ZSWIM6: variants seen among roughly 807,000 people sequenced by gnomAD.
ZSWIM6 encodes the protein zinc finger SWIM domain-containing protein 6.
ZSWIM6 carries 9 observed loss-of-function variants against 113.2 expected under a neutral mutation model. The observed-to-expected ratio is 0.08, with a 90% CI of 0.05 to 0.14. The LOEUF is 0.14. Among genes scored for constraint, ZSWIM6 ranks in the 10% least tolerant of loss-of-function variants. ZSWIM6 has a pLI of 1.00. For synonymous variants in ZSWIM6, 611 were observed against 606.5 expected (o/e 1.01, Z -0.11); for missense variants, 1,162 against 1,552.2 (o/e 0.75, Z 4.22).
At chr5:61,424,693 T>C (rs1032064140) in intron 1 of ZSWIM6, among the ~76,000 whole-genome samples, 1 of 151,300 alleles carries the variant, frequency 6.6e-6, no homozygotes, top group African/African-American at 2.4e-5. Context: ...AGTTTAAGAG[T>C]GTGAGTTCTG....
At chr5:61,477,383 T>A (rs1747734204) in intron 2 of ZSWIM6, among the ~76,000 whole-genome samples, 1 of 152,174 alleles carries the variant, frequency 6.6e-6, no homozygotes, top group African/African-American at 2.4e-5. Flanking sequence ...TTTATTCACA[T>A]ATTGGATGAG....
chr5:61,375,267 G>GGAA, intron 1 of ZSWIM6: 2 of 1,612,582 alleles, frequency 1.2e-6, no homozygotes, highest in Non-Finnish European at 1.7e-6. Flanking sequence ...AAAAGGAAAA[G>GGAA]AAAGGCTCCA....
At chr5:61,345,919 G>A (rs1312202778) in intron 1 of ZSWIM6, among the ~76,000 whole-genome samples, 1 of 152,138 alleles carries the variant, frequency 6.6e-6, no homozygotes, top group Non-Finnish European at 1.5e-5. Flanking sequence ...TACAACAGAA[G>A]GCAGATGTTT....
chr5:61,398,736 A>C (rs1015426210), intron 1 of ZSWIM6, among the ~76,000 whole-genome samples: 5 of 152,290 alleles, frequency 3.3e-5, no homozygotes, highest in Non-Finnish European at 5.9e-5. Flanking sequence ...TTTTAGGATT[A>C]AAGTAAACAT....
intron 1 of ZSWIM6, among the ~76,000 whole-genome samples, chr5:61,418,781 C>T (rs1342115526): frequency 3.3e-5 from 5 of 152,146 alleles, no homozygotes; most frequent in Admixed American, 6.5e-5. Flanking sequence ...GTTTACTTTA[C>T]GAGACACCTT....
At position 61,375,638 on chromosome 5, in the gene ZSWIM6, G is replaced by T. The variant is rs568301309; in HGVS notation, c.676+42690G>T. On this transcript the variant is annotated intron_variant, in intron 1 of 13. Coordinates refer to ENST00000252744, the MANE Select transcript of ZSWIM6 (RefSeq NM_020928.2). ...ACTGAGAAAGAAAAGGATATTAAAG[G>T]ACTCAGCAAAAAGAGAAAGATGTAT... 1.9e-6 allele frequency: 3 copies of T among 1,539,580 alleles called. No homozygotes were observed. In the African/African-American group the frequency reaches 4.1e-5, roughly 21 times the overall value.
intron 1 of ZSWIM6, among the ~76,000 whole-genome samples, chr5:61,425,728 C>G (rs1004632827): frequency 1.3e-5 from 2 of 152,086 alleles, no homozygotes; most frequent in African/African-American, 4.8e-5. Flanking sequence ...AAAGAGAAGG[C>G]CATTGGTAAA....
intron 1 of ZSWIM6, among the ~76,000 whole-genome samples, chr5:61,362,725 C>T (rs780818136): frequency 8.5e-5 from 13 of 152,154 alleles, no homozygotes; most frequent in Non-Finnish European, 1.8e-4. Context: ...GCTTTCTGTG[C>T]CATCAAGTGA....
At chr5:61,518,534 G>A (rs1749024077) in intron 4 of ZSWIM6, among the ~76,000 whole-genome samples, 1 of 152,092 alleles carries the variant, frequency 6.6e-6, no homozygotes, top group South Asian at 2.1e-4. Flanking sequence ...TTTCTCTGAT[G>A]GCCAGTGATG....
intron 1 of ZSWIM6, among the ~76,000 whole-genome samples, chr5:61,449,817 A>T (rs1331905122): frequency 6.6e-6 from 1 of 152,158 alleles, no homozygotes; most frequent in African/African-American, 2.4e-5. Flanking sequence ...AGGAACAAGG[A>T]GAAGCAAATG....
At chr5:61,466,559 T>C (rs1329423854) in intron 1 of ZSWIM6, among the ~76,000 whole-genome samples, 1 of 152,244 alleles carries the variant, frequency 6.6e-6, no homozygotes, top group African/African-American at 2.4e-5. Context: ...GGGTGCCTTG[T>C]ACACAGGGCG....
At chr5:61,427,020 G>A (rs529938274) in intron 1 of ZSWIM6, among the ~76,000 whole-genome samples, 2 of 152,172 alleles carry the variant, frequency 1.3e-5, no homozygotes, top group South Asian at 4.1e-4. Context: ...GAACTAATAA[G>A]CAATCCATGG....
Position 61,519,662 on chromosome 5 carries a change from A to T in ZSWIM6, c.1334-1601A>T, listed in dbSNP as rs1048887468. ...GGCATTTTAAAATATAGAAATGCAG[A>T]TTGTAAATATCTGTGGCTTAGATGG... On this transcript the variant is annotated intron_variant, in intron 4 of 13. Transcript: ENST00000252744. Among the ~76,000 whole-genome samples the T allele has an allele frequency of 1.1e-4, 16 of 152,282 alleles. No homozygotes were observed. The East Asian group carries it at 2.1e-3, about 20-fold the overall frequency.
rs1313442020 is a variant in ZSWIM6, at chr5:61,530,115, A to G, written c.1901A>G (p.Asp634Gly). The change falls in exon 8 of 14, where the codon GAC becomes GGC. Residue 634 changes from aspartate (D) to glycine (G), a missense_variant. Coordinates refer to ENST00000252744, the MANE Select transcript of ZSWIM6 (RefSeq NM_020928.2). Reference sequence around the variant, plus strand: ...GAGGGCTGGGTTGGACATCCCCTGGACCCTGTGGGCACTCTCTTCAGTAGC... The same window carrying G: ...GAGGGCTGGGTTGGACATCCCCTGGGCCCTGTGGGCACTCTCTTCAGTAGC... ...NLEGWVGHPL[D>G]PVGTLFSSLM... 6.4e-7 allele frequency: 1 copy of G among 1,551,636 alleles called. No homozygotes were observed. Among genetic ancestry groups the G allele is most frequent in the Non-Finnish European group, 8.7e-7 (1 of 1,146,902 alleles).
At chr5:61,456,796 A>G (rs940020793) in intron 1 of ZSWIM6, among the ~76,000 whole-genome samples, 26 of 152,148 alleles carry the variant, frequency 1.7e-4, no homozygotes, top group African/African-American at 3.1e-4. Context: ...CATTTATTGT[A>G]TCTTTTCTTC....
intron 1 of ZSWIM6, among the ~76,000 whole-genome samples, chr5:61,358,794 C>T (rs180914752): frequency 9.8e-5 from 15 of 152,310 alleles, no homozygotes; most frequent in Admixed American, 1.3e-4. Flanking sequence ...CTGAGCCAGA[C>T]GCTATAGAGC....
intron 1 of ZSWIM6, among the ~76,000 whole-genome samples, chr5:61,370,692 G>C (rs1365110220): frequency 6.6e-6 from 1 of 152,210 alleles, no homozygotes; most frequent in East Asian, 1.9e-4. Context: ...TTCCAGAAGA[G>C]GAAATGGTGG....
intron 1 of ZSWIM6, among the ~76,000 whole-genome samples, chr5:61,402,849 G>A (rs566544547): frequency 6.6e-6 from 1 of 152,182 alleles, no homozygotes; most frequent in Non-Finnish European, 1.5e-5. Flanking sequence ...ATTTATAGTT[G>A]AACCTTATAT....
At chr5:61,451,773 T>G (rs989893979) in intron 1 of ZSWIM6, among the ~76,000 whole-genome samples, 6 of 152,192 alleles carry the variant, frequency 3.9e-5, no homozygotes, top group Admixed American at 2.0e-4. Context: ...TTTTCTAGAT[T>G]CATTCAAGAA....
Sources: allele counts gnomAD v4.1 joint callset (sites outside exome capture counted in the v4.1 genomes callset), GRCh38; gene constraint gnomAD v4.1.1; transcripts MANE v1.5; gene names NCBI Gene and HGNC (gene_info 2026-07-23, HGNC 2026-07-21).